Variants in GAL3ST2 observed in about 807,000 individuals in gnomAD.
The protein encoded by GAL3ST2 is galactose-3-O-sulfotransferase 2.
A neutral mutation model predicts 12.9 loss-of-function variants in GAL3ST2; 16 were observed. The observed-to-expected ratio is 1.24, with a 90% confidence interval of 0.84 to 1.88. The LOEUF (loss-of-function observed/expected upper bound fraction) is 1.88, where lower values mean the gene tolerates loss of function less well. Ranked by LOEUF, GAL3ST2 falls within the 40% of genes most tolerant of loss-of-function variation. The pLI, the probability that GAL3ST2 is intolerant of heterozygous loss-of-function variation, is 0.00. For missense variants in GAL3ST2, 639 were observed against 571.8 expected, an observed-to-expected ratio of 1.12 and a Z score of -1.20; for synonymous variants, 302 against 273.9, an observed-to-expected ratio of 1.10 and a Z score of -1.01.
intron 1 of GAL3ST2, among the ~76,000 whole-genome samples, chr2:241,779,213 C>CT (rs1559411538): frequency 1.0e-5 from 1 of 97,146 alleles, no homozygotes; most frequent in African/African-American, 4.1e-5. Flanking sequence ...TAGGAAAGCT[C>CT]ATTTTTTTTT....
At chr2:241,786,803 A>G (rs1699633361) in intron 1 of GAL3ST2, among the ~76,000 whole-genome samples, 2 of 152,228 alleles carry the variant, frequency 1.3e-5, no homozygotes, top group Non-Finnish European at 2.9e-5. Flanking sequence ...ATCTCCACCC[A>G]GAATCCCTCC....
At chr2:241,787,787 C>T (rs1194916808) in intron 1 of GAL3ST2, among the ~76,000 whole-genome samples, 1 of 152,106 alleles carries the variant, frequency 6.6e-6, no homozygotes, top group Non-Finnish European at 1.5e-5. Context: ...CTTAATTTCT[C>T]CTTTCCGTCA....
In GAL3ST2 at chr2:241,804,097, C is replaced by G; in HGVS notation, c.1128C>G (p.Tyr376Ter). 1 of 1,526,698 alleles carries G rather than the reference C, an allele frequency of 6.6e-7. No homozygotes were observed. Among genetic ancestry groups the G allele is most frequent in the Non-Finnish European group, 8.8e-7 (1 of 1,136,616 alleles). The allele number at this position is 1,526,698 out of a possible 1,614,324, so 94.6% of individuals were successfully genotyped here. Residue 376 changes from tyrosine to a stop codon, truncating the protein, a stop_gained, in exon 4 of 4, where the codon TAC (tyrosine) becomes TAG (stop). Coordinates refer to ENST00000192314, the MANE Select transcript of GAL3ST2 (RefSeq NM_022134.3). LOFTEE classifies it low-confidence loss of function (END_TRUNC). ...CQRLVMPELQ[Y>*]MARLYALQFP... ...GGCTTGTGATGCCTGAGCTCCAGTA[C>G]ATGGCCCGCCTGTACGCCCTGCAGT...
At chr2:241,779,512 C>T (rs1454227549) in intron 1 of GAL3ST2, among the ~76,000 whole-genome samples, 2 of 150,626 alleles carry the variant, frequency 1.3e-5, no homozygotes, top group African/African-American at 4.9e-5. Context: ...GGATTACAGG[C>T]GTGAGCCACC....
At chr2:241,797,897 C>A (rs1407514403) in intron 1 of GAL3ST2, among the ~76,000 whole-genome samples, 2 of 152,198 alleles carry the variant, frequency 1.3e-5, no homozygotes, top group Non-Finnish European at 2.9e-5. Flanking sequence ...AGGAAGCTCA[C>A]CCCTTGTGTC....
rs1323306028 is a variant in GAL3ST2 at position 241,800,865 on chromosome 2, G to A, written c.120-916G>A. 2 of 152,194 alleles carry A rather than the reference G, an allele frequency of 1.3e-5. No homozygotes were observed. Among genetic ancestry groups the A allele is most frequent in the Admixed American group, 6.5e-5 (1 of 15,280 alleles). 9.4% of individuals were successfully genotyped at this position (152,194 alleles called of 1,614,324 possible). ...AGCGTGTGTGACTTCGCCCCTGCCC[G>A]GCATGGCCTCAGGTCCCGTTGATAA... On this transcript the variant is annotated intron_variant, in intron 2 of 3. Coordinates refer to ENST00000192314, the MANE Select transcript of GAL3ST2 (RefSeq NM_022134.3). The surrounding 1 kb of genome is among the most constrained non-coding windows in gnomAD (Gnocchi z 5.2).
In GAL3ST2 at chr2:241,803,731, C is replaced by T; in HGVS notation, c.762C>T (p.Asn254=). 1 of 1,532,308 alleles carries T rather than the reference C, an allele frequency of 6.5e-7. No individual in the cohort carries two copies. Among genetic ancestry groups the T allele is most frequent in the South Asian group, 1.2e-5 (1 of 82,266 alleles). 94.9% of individuals were successfully genotyped at this position (1,532,308 alleles called of 1,614,324 possible). A position where few individuals can be genotyped will look rare whatever the true frequency, so the allele number is the denominator to read the frequency against. The change falls in exon 4 of 4, where the codon AAC becomes AAT. Residue 254 remains asparagine (N), a synonymous_variant. Transcript: ENST00000192314. ...ALDDVVAFRL[N]SRSARSVARL... is the part of the protein sequence containing the mutation. ...ACGACGTGGTGGCCTTCAGGCTCAA[C>T]TCCCGCAGCGCGCGCTCCGTGGCCC...
intron 1 of GAL3ST2, among the ~76,000 whole-genome samples, chr2:241,780,144 A>G (rs115099808): frequency 0.018 from 2,735 of 152,374 alleles, 90 homozygotes; most frequent in African/African-American, 0.063. Context: ...ATTAGAATTC[A>G]GTCCAAACTG....
chr2:241,777,325 G>A lies in GAL3ST2; in HGVS notation c.29+341G>A, dbSNP rs768710784. 1.9e-3 allele frequency among the ~76,000 whole-genome samples: 294 copies of A among 152,306 alleles called. 1 individual carries two copies. The highest frequency in any genetic ancestry group is 3.4e-3 in the Middle Eastern group (1 of 294). On this transcript the variant is annotated intron_variant, in intron 1 of 3. Coordinates refer to ENST00000192314, the MANE Select transcript of GAL3ST2 (RefSeq NM_022134.3). ...GCTGGGCTTGGGACCTCCCAGCCTC[G>A]GTCTGCGGCTCAGGCCCATGGCTGG...
chr2:241,787,464 C>T (rs1006185235), intron 1 of GAL3ST2, among the ~76,000 whole-genome samples: 1 of 151,992 alleles, frequency 6.6e-6, no homozygotes, highest in African/African-American at 2.4e-5. Context: ...TGTCCGGGAG[C>T]ACCCCCTCCA....
At chr2:241,785,116 A>G (rs1023344540) in intron 1 of GAL3ST2, among the ~76,000 whole-genome samples, 4 of 136,606 alleles carry the variant, frequency 2.9e-5, no homozygotes, top group African/African-American at 1.3e-4. Flanking sequence ...TGATGCTTTT[A>G]CAGTGCACTT....
Position 241,804,200 on chromosome 2 carries a change from C to T in GAL3ST2, c.*34C>T. The T allele has an allele frequency of 7.3e-7, 1 of 1,367,926 alleles. No homozygotes were observed. Among genetic ancestry groups the T allele is most frequent in the African/African-American group, 1.5e-5 (1 of 65,588 alleles). The allele number at this position is 1,367,926 out of a possible 1,614,324, so 84.7% of individuals were successfully genotyped here. On this transcript the variant is annotated 3_prime_UTR_variant, in exon 4 of 4. Transcript: ENST00000192314. ...GGCCGGGGACGAGGCCTCCTGCGGA[C>T]ACCAGCTCCTCTCTCCGCCGTCACC...
In GAL3ST2 at chr2:241,793,466, G is replaced by T. The variant is rs1482093392; in HGVS notation, c.30-5599G>T. 6.6e-6 allele frequency among the ~76,000 whole-genome samples: 1 copy of T among 151,266 alleles called. No individual in the cohort carries two copies. The highest frequency in any genetic ancestry group is 1.5e-5 in the Non-Finnish European group (1 of 67,992). On this transcript the variant is annotated intron_variant, in intron 1 of 3. Transcript: ENST00000192314. The surrounding 1 kb of genome is among the most constrained non-coding windows in gnomAD (Gnocchi z 4.7). The stretch of plus-strand genomic sequence containing the variant: ...GTATGTACTGTGTATGCGTGTGTAT[G>T]TGTATGCATGTGTATTATATGTACA...
chr2:241,780,689 T>C (rs1384686417), intron 1 of GAL3ST2, among the ~76,000 whole-genome samples: 1 of 152,236 alleles, frequency 6.6e-6, no homozygotes, highest in Non-Finnish European at 1.5e-5. Context: ...AAATTGGCTT[T>C]GATGGAACAT....
At position 241,801,942 on chromosome 2, in the gene GAL3ST2, ACC is replaced by A; in HGVS notation, c.284_285del (p.Pro95LeufsTer278). 2.5e-6 allele frequency: 4 copies of A among 1,612,866 alleles called. No individual in the cohort carries two copies. Among genetic ancestry groups the A allele is most frequent in the Non-Finnish European group, 3.4e-6 (4 of 1,179,906 alleles). ...GCCGGCTCACGCGTCCACCTGGGCT[ACC>A]CCTGGCTCTTCCTGGCGCGCTACGT... is the stretch of plus-strand genomic sequence containing the variant. On this transcript the variant is annotated frameshift_variant, in exon 3 of 4. Coordinates refer to ENST00000192314, the MANE Select transcript of GAL3ST2 (RefSeq NM_022134.3). LOFTEE classifies it high-confidence loss of function. This position sits in a 1 kb window ranked among gnomAD's most constrained non-coding sequence, Gnocchi z 4.4.
Position 241,803,974 on chromosome 2 carries a change from A to T in GAL3ST2, c.1005A>T (p.Arg335Ser). 6.5e-7 allele frequency: 1 copy of T among 1,540,872 alleles called. No individual in the cohort carries two copies. Among genetic ancestry groups the T allele is most frequent in the Non-Finnish European group, 8.7e-7 (1 of 1,146,976 alleles). Residue 335 changes from arginine (R) to serine (S), a missense_variant, in exon 4 of 4, where the codon AGA becomes AGT. Physicochemically the swap from Arg to Ser is moderately radical, Grantham distance 110. Coordinates refer to ENST00000192314, the MANE Select transcript of GAL3ST2 (RefSeq NM_022134.3). ...CGCTCAAGAACCACACGCAGATCAGAGACCCGCGCCTGCGCCCCTACCAGT... is the reference window on the plus strand; with the variant it reads ...CGCTCAAGAACCACACGCAGATCAGTGACCCGCGCCTGCGCCCCTACCAGT... ...GGALKNHTQI[R>S]DPRLRPYQSG...
At chr2:241,779,566 G>A (rs1699539878) in intron 1 of GAL3ST2, among the ~76,000 whole-genome samples, 1 of 151,436 alleles carries the variant, frequency 6.6e-6, no homozygotes. Context: ...GTTGTGAAGT[G>A]TCAAGTCCTA....
rs1699729879 is a variant in GAL3ST2 at position 241,793,587 on chromosome 2, A to ATGTATATG, written c.30-5466_30-5459dup. Among the ~76,000 whole-genome samples, 2 of 149,146 alleles carry ATGTATATG rather than the reference A, an allele frequency of 1.3e-5. No homozygotes were observed. The highest frequency in any genetic ancestry group is 4.0e-4 in the East Asian group (2 of 5,046). On this transcript the variant is annotated intron_variant, in intron 1 of 3. Coordinates refer to ENST00000192314, the MANE Select transcript of GAL3ST2 (RefSeq NM_022134.3). This position sits in a 1 kb window ranked among gnomAD's most constrained non-coding sequence, Gnocchi z 4.7. ...TATATGTGTGCGTATATGTGTATGT[A>ATGTATATG]TGTATATGTGTATATGTGTGTGTAT...
At chr2:241,786,763 C>T (rs1040087315) in intron 1 of GAL3ST2, among the ~76,000 whole-genome samples, 2 of 152,140 alleles carry the variant, frequency 1.3e-5, no homozygotes, top group African/African-American at 4.8e-5. Flanking sequence ...GTACCAAGCT[C>T]CGATAGGAGG....
Sources: allele counts gnomAD v4.1 joint callset (sites outside exome capture counted in the v4.1 genomes callset), GRCh38; gene constraint gnomAD v4.1.1; non-coding constraint Gnocchi (gnomAD v3.1); transcripts MANE v1.5; gene names NCBI Gene and HGNC (gene_info 2026-07-23, HGNC 2026-07-21).